LRMDA: variants seen among roughly 807,000 people sequenced by gnomAD.
LRMDA encodes the protein leucine-rich melanocyte differentiation-associated protein.
Under a neutral mutation model 29.8 loss-of-function variants are expected in LRMDA, and 18 were observed. The ratio of observed to expected loss-of-function variants is 0.60; its 90% confidence interval spans 0.42 to 0.90. The LOEUF is 0.90. LRMDA is among the 40% of genes least tolerant of loss of function. The probability of loss-of-function intolerance (pLI) is 0.00; values close to 1 mark genes in which losing one functional copy is unlikely to be tolerated. For missense variants in LRMDA, 273 were observed against 273.9 expected, an observed-to-expected ratio of 1.00 and a Z score of 0.02; for synonymous variants, 125 against 109.4, an observed-to-expected ratio of 1.14 and a Z score of -0.89.
At chr10:76,418,009 C>A (rs1324580506) in intron 6 of LRMDA, among the ~76,000 whole-genome samples, 1 of 152,084 alleles carries the variant, frequency 6.6e-6, no homozygotes, top group East Asian at 1.9e-4. Flanking sequence ...GTATTCTTGT[C>A]TCTTCTGGGT....
intron 2 of LRMDA, among the ~76,000 whole-genome samples, chr10:75,900,348 G>C (rs557600078): frequency 1.4e-4 from 21 of 152,210 alleles, no homozygotes; most frequent in Non-Finnish European, 2.8e-4. Flanking sequence ...TGCTTGGAAG[G>C]CTTGATTTGA....
intron 5 of LRMDA, among the ~76,000 whole-genome samples, chr10:76,097,579 T>A (rs1849332826): frequency 6.6e-6 from 1 of 152,242 alleles, no homozygotes; most frequent in Non-Finnish European, 1.5e-5. Flanking sequence ...CTCTATCAGA[T>A]TGAAGATGTT....
intron 6 of LRMDA, among the ~76,000 whole-genome samples, chr10:76,446,813 T>G (rs1842358419): frequency 6.6e-6 from 1 of 152,238 alleles, no homozygotes; most frequent in Non-Finnish European, 1.5e-5. Context: ...CACATGTTAA[T>G]TCCACTCAGA....
In LRMDA at chr10:76,050,628, C is replaced by T. The variant is rs539544351; in HGVS notation, c.398+3325C>T. Among the ~76,000 whole-genome samples the T allele has an allele frequency of 1.5e-4, 23 of 152,268 alleles. No homozygotes were observed. In the East Asian group the frequency reaches 4.1e-3, roughly 27 times the overall value. On this transcript the variant is annotated intron_variant, in intron 4 of 6. Coordinates refer to ENST00000611255, the MANE Select transcript of LRMDA (RefSeq NM_001305581.2). ...GGAGGTGAATGTGATAATCAGCAGC[C>T]TCCAGGATTTGGGCAGGAAGAGAAC...
chr10:76,400,781 C>T (rs1044413382), intron 6 of LRMDA, among the ~76,000 whole-genome samples: 3 of 152,124 alleles, frequency 2.0e-5, no homozygotes, highest in Non-Finnish European at 2.9e-5. Flanking sequence ...GAGCTGCCAT[C>T]GTTCTATACC....
At chr10:75,523,795 C>T (rs1845386803) in intron 2 of LRMDA, among the ~76,000 whole-genome samples, 1 of 152,196 alleles carries the variant, frequency 6.6e-6, no homozygotes, top group South Asian at 2.1e-4. Context: ...ATCCTTCTCC[C>T]TTCTTCCCTG....
chr10:75,608,129 T>TATATATATATATATATATATACAC (rs11271217), intron 2 of LRMDA, among the ~76,000 whole-genome samples: 2,935 of 83,492 alleles, frequency 0.035, 67 homozygotes, highest in Admixed American at 0.059. Flanking sequence ...TATATATATA[T>TATATATATATATATATATATACAC]ACACACACAT....
At chr10:76,320,819 C>T (rs573311835) in intron 5 of LRMDA, among the ~76,000 whole-genome samples, 5 of 152,242 alleles carry the variant, frequency 3.3e-5, no homozygotes, top group Non-Finnish European at 7.3e-5. Flanking sequence ...AGTCCTACTA[C>T]ACTGCCCCTT....
chr10:76,471,925 A>G (rs1842621714), intron 6 of LRMDA, among the ~76,000 whole-genome samples: 1 of 151,834 alleles, frequency 6.6e-6, no homozygotes, highest in Admixed American at 6.6e-5. Context: ...CCCAAAATAC[A>G]CGAAGGAAAA....
At chr10:76,083,765 C>T (rs1460177598) in intron 5 of LRMDA, among the ~76,000 whole-genome samples, 2 of 148,114 alleles carry the variant, frequency 1.4e-5, no homozygotes, top group South Asian at 2.2e-4. Flanking sequence ...ACCCGACAGG[C>T]GAAGGTTGCA....
chr10:76,336,475 A>C (rs1840970349), intron 6 of LRMDA, among the ~76,000 whole-genome samples: 1 of 152,190 alleles, frequency 6.6e-6, no homozygotes, highest in Non-Finnish European at 1.5e-5. Context: ...TTCCATTTGT[A>C]GCTTCCTTAG....
chr10:75,746,131 G>A (rs1314387460), intron 2 of LRMDA, among the ~76,000 whole-genome samples: 41 of 152,310 alleles, frequency 2.7e-4, no homozygotes, highest in South Asian at 2.1e-4. Flanking sequence ...TCTCTTGGGA[G>A]CAGGAGCAGG....
intron 5 of LRMDA, among the ~76,000 whole-genome samples, chr10:76,141,706 C>T (rs186456531): frequency 8.9e-4 from 135 of 152,184 alleles, no homozygotes; most frequent in African/African-American, 3.2e-3. Context: ...TGTCACAAAT[C>T]TCTCTGAAAT....
At chr10:75,931,106 G>T (rs1156815977) in intron 2 of LRMDA, among the ~76,000 whole-genome samples, 3 of 152,158 alleles carry the variant, frequency 2.0e-5, no homozygotes, top group African/African-American at 7.2e-5. Flanking sequence ...GCATCAATTT[G>T]CTTGGGAGCT....
chr10:76,343,813 A>ATTTTTTTTTTT (rs5786231), intron 6 of LRMDA, among the ~76,000 whole-genome samples: 5 of 126,642 alleles, frequency 3.9e-5, no homozygotes, highest in African/African-American at 1.2e-4. Flanking sequence ...TTTACAGGTG[A>ATTTTTTTTTTT]TTTTTTTTTT....
intron 5 of LRMDA, among the ~76,000 whole-genome samples, chr10:76,112,143 G>T (rs1476750196): frequency 6.6e-6 from 1 of 152,194 alleles, no homozygotes; most frequent in Non-Finnish European, 1.5e-5. Context: ...AGGAGGAGGG[G>T]CTGGCAGCCT....
In LRMDA at chr10:76,336,611, T is replaced by C. The variant is rs550025900; in HGVS notation, c.601+12126T>C. Among the ~76,000 whole-genome samples the C allele has an allele frequency of 2.3e-4, 35 of 152,162 alleles. 1 individual carries two copies. The South Asian group carries it at 3.1e-3, about 14-fold the overall frequency. ...GCCAGGGAAATAATGCAGTGCTAATTCCCAAACACAGACTGCCCAGAGGTC... is the reference window on the plus strand; with the variant it reads ...GCCAGGGAAATAATGCAGTGCTAATCCCCAAACACAGACTGCCCAGAGGTC... On this transcript the variant is annotated intron_variant, in intron 6 of 6. Transcript: ENST00000611255.
intron 5 of LRMDA, among the ~76,000 whole-genome samples, chr10:76,268,970 G>A (rs554825335): frequency 9.9e-5 from 15 of 152,144 alleles, no homozygotes; most frequent in Non-Finnish European, 1.0e-4. Flanking sequence ...CTGCAGAAGG[G>A]CCCTGGATTT....
intron 6 of LRMDA, among the ~76,000 whole-genome samples, chr10:76,363,176 A>AGAAAGAAAAAAAGAAAGAAAGAAAGGAG (rs1459442138): frequency 7.3e-4 from 16 of 21,796 alleles, no homozygotes; most frequent in African/African-American, 2.2e-3. Context: ...AAAGAAAGAA[A>AGAAAGAAAAAAAGAAAGAAAGAAAGGAG]GGAGGGAGGG....
Sources: allele counts gnomAD v4.1 joint callset (sites outside exome capture counted in the v4.1 genomes callset), GRCh38; gene constraint gnomAD v4.1.1; transcripts MANE v1.5; gene names NCBI Gene and HGNC (gene_info 2026-07-23, HGNC 2026-07-21).